FUT8: variants seen among roughly 807,000 people sequenced by gnomAD.
FUT8 encodes the protein fucosyltransferase 8.
In FUT8, 29 loss-of-function variants were observed where a neutral mutation model predicts 71.3. The ratio of observed to expected loss-of-function variants is 0.41; its 90% CI spans 0.30 to 0.55. The LOEUF (loss-of-function observed/expected upper bound fraction) is 0.55, where lower values mean the gene tolerates loss of function less well. Among genes scored for constraint, FUT8 ranks in the 20% least tolerant of loss-of-function variants. FUT8 has a pLI of 0.34. For missense variants in FUT8, 544 were observed against 702.1 expected, an observed-to-expected ratio of 0.77 and a Z score of 2.55; for synonymous variants, 254 against 239.3, an observed-to-expected ratio of 1.06 and a Z score of -0.57.
chr14:65,512,733 A>G (rs1036878709), intron 2 of FUT8, among the ~76,000 whole-genome samples: 1 of 151,032 alleles, frequency 6.6e-6, no homozygotes, highest in African/African-American at 2.4e-5. Context: ...AGATGGTGAA[A>G]CCCCGTCTCT....
chr14:65,651,687 G>A (rs143004032), intron 6 of FUT8, among the ~76,000 whole-genome samples: 1,587 of 152,146 alleles, frequency 0.01, 29 homozygotes, highest in African/African-American at 0.037. Flanking sequence ...TGTCACCAAA[G>A]TAATAGATGA....
chr14:65,680,136 G>A (rs943131335), intron 7 of FUT8, among the ~76,000 whole-genome samples: 21 of 152,286 alleles, frequency 1.4e-4, no homozygotes, highest in Middle Eastern at 3.4e-3. Context: ...TCCACGATCT[G>A]CCATCTGCAA....
At chr14:65,398,389 T>C in the FUT8 span, among the ~76,000 whole-genome samples, 1 of 152,092 alleles carries the variant, frequency 6.6e-6, no homozygotes, top group African/African-American at 2.4e-5. Context: ...AAATTACTTA[T>C]TTATTTATTT....
intron 7 of FUT8, among the ~76,000 whole-genome samples, chr14:65,700,664 G>A (rs1334658808): frequency 6.6e-6 from 1 of 152,110 alleles, no homozygotes; most frequent in African/African-American, 2.4e-5. Context: ...CTCCCAAAGT[G>A]CTGGGATTAC....
intron 2 of FUT8, among the ~76,000 whole-genome samples, chr14:65,543,156 G>A (rs1594755133): frequency 6.6e-6 from 1 of 152,144 alleles, no homozygotes; most frequent in African/African-American, 2.4e-5. Flanking sequence ...GGACCCTGCA[G>A]CTTATCAAGA....
At chr14:65,600,345 C>CA (rs1185360722) in intron 3 of FUT8, among the ~76,000 whole-genome samples, 1 of 152,102 alleles carries the variant, frequency 6.6e-6, no homozygotes, top group African/African-American at 2.4e-5. Flanking sequence ...TCTAAGTAGT[C>CA]AGTGATTTGT....
intron 5 of FUT8, among the ~76,000 whole-genome samples, chr14:65,618,063 ATATT>A (rs1469987727): frequency 1.9e-4 from 23 of 118,010 alleles, no homozygotes; most frequent in South Asian, 1.3e-3. Context: ...ATGTATGTAT[ATATT>A]TATTTATTTA....
At chr14:65,514,148 T>C (rs1011704634) in intron 2 of FUT8, among the ~76,000 whole-genome samples, 6 of 152,248 alleles carry the variant, frequency 3.9e-5, no homozygotes, top group African/African-American at 1.4e-4. Flanking sequence ...CTATCAGTGC[T>C]GTTGGTAGGA....
At chr14:65,590,280 C>G (rs1887620936) in intron 3 of FUT8, among the ~76,000 whole-genome samples, 1 of 152,178 alleles carries the variant, frequency 6.6e-6, no homozygotes, top group Non-Finnish European at 1.5e-5. Flanking sequence ...GGTTCTCAGT[C>G]TTTGGAATTA....
intron 2 of FUT8, among the ~76,000 whole-genome samples, chr14:65,458,944 A>G (rs990112208): frequency 6.6e-6 from 1 of 152,070 alleles, no homozygotes; most frequent in Non-Finnish European, 1.5e-5. Flanking sequence ...GTGTGTCACC[A>G]TGCCCAGCTA....
chr14:65,739,188 C>G (rs750022714), intron 10 of FUT8, among the ~76,000 whole-genome samples: 4 of 151,956 alleles, frequency 2.6e-5, no homozygotes, highest in Non-Finnish European at 5.9e-5. Context: ...TATTATAACA[C>G]TGCCTGGGAC....
At chr14:65,409,526 T>C (rs2065102066), upstream of FUT8, among the ~76,000 whole-genome samples, 1 of 152,250 alleles carries the variant, frequency 6.6e-6, no homozygotes, top group Admixed American at 6.5e-5. This position sits in a 1 kb window ranked among gnomAD's most constrained non-coding sequence, Gnocchi z 5.4. Context: ...ATTACAGTCA[T>C]AATAAAATGG....
intron 2 of FUT8, among the ~76,000 whole-genome samples, chr14:65,480,901 G>A (rs2066320812): frequency 1.3e-5 from 2 of 151,888 alleles, no homozygotes; most frequent in South Asian, 4.2e-4. Flanking sequence ...TGTTGGCTAG[G>A]CTGGTCTCGA....
In FUT8 at chr14:65,477,106, G is replaced by A. The variant is rs190009002; in HGVS notation, c.-228+21388G>A. ...GACAGTTATGGCCATCAGGGTGTTT[G>A]TTTGAATTCTGGAATTGCCCTAGAG... On this transcript the variant is annotated intron_variant, in intron 2 of 10. Coordinates refer to ENST00000673929, the MANE Select transcript of FUT8 (RefSeq NM_001371533.1). Among the ~76,000 whole-genome samples the A allele has an allele frequency of 3.0e-3, 451 of 152,258 alleles. 5 individuals carry two copies. The highest frequency in any genetic ancestry group is 3.4e-3 in the Middle Eastern group (1 of 294).
intron 7 of FUT8, among the ~76,000 whole-genome samples, chr14:65,680,310 C>G (rs1009224972): frequency 2.0e-5 from 3 of 152,192 alleles, no homozygotes; most frequent in African/African-American, 7.2e-5. Context: ...ATGTTTTCTT[C>G]CAGAAACTTT....
At chr14:65,446,529 TC>T (rs1170505598) in intron 1 of FUT8, among the ~76,000 whole-genome samples, 1 of 152,220 alleles carries the variant, frequency 6.6e-6, no homozygotes, top group Non-Finnish European at 1.5e-5. Context: ...TTAGCATACT[TC>T]CATAGAATAT....
chr14:65,512,111 TAGTA>T (rs1486099678), intron 2 of FUT8, among the ~76,000 whole-genome samples: 2 of 152,182 alleles, frequency 1.3e-5, no homozygotes, highest in African/African-American at 4.8e-5. Flanking sequence ...TGTAACACAG[TAGTA>T]AGTATTTGTG....
intron 2 of FUT8, among the ~76,000 whole-genome samples, chr14:65,501,298 G>A (rs1045692760): frequency 6.6e-6 from 1 of 152,202 alleles, no homozygotes; most frequent in African/African-American, 2.4e-5. Flanking sequence ...GGCTGAAAAA[G>A]CAAACAGGGA....
chr14:65,575,637 C>T (rs1886729202), intron 3 of FUT8, among the ~76,000 whole-genome samples: 2 of 136,000 alleles, frequency 1.5e-5, no homozygotes, highest in African/African-American at 2.8e-5. Flanking sequence ...TTTTTTTTTT[C>T]CCCCACACTC....
Sources: gnomAD v4.1 joint callset for allele counts (sites outside exome capture counted in the v4.1 genomes callset) on GRCh38, gnomAD v4.1.1 for gene constraint, Gnocchi (gnomAD v3.1) non-coding constraint, MANE v1.5 for transcripts, NCBI Gene and HGNC (gene_info 2026-07-23, HGNC 2026-07-21) for gene names.